Variants in CLDN16 observed in about 807,000 individuals in gnomAD.
CLDN16 encodes the protein claudin 16.
Under a neutral mutation model 24.6 loss-of-function variants are expected in CLDN16, and 13 were observed. The ratio of observed to expected loss-of-function variants is 0.53; its 90% CI spans 0.34 to 0.84. The LOEUF (loss-of-function observed/expected upper bound fraction) is 0.84. Ranked by LOEUF, CLDN16 falls within the 40% of genes least tolerant of loss-of-function variation. The pLI, the probability that CLDN16 is intolerant of heterozygous loss-of-function variation, is 0.01. For missense variants in CLDN16, 298 were observed against 292.7 expected, an observed-to-expected ratio of 1.02 and a Z score of -0.13; for synonymous variants, 116 against 106.7, an observed-to-expected ratio of 1.09 and a Z score of -0.54.
intron 1 of CLDN16, among the ~76,000 whole-genome samples, chr3:190,343,568 G>A (rs1717484586): frequency 6.6e-6 from 1 of 152,050 alleles, no homozygotes; most frequent in South Asian, 2.1e-4. Context: ...TACATCAGTG[G>A]ATGAATGGAT....
At chr3:190,318,544 TG>T (rs1716830601), upstream of CLDN16, among the ~76,000 whole-genome samples, 2 of 152,108 alleles carry the variant, frequency 1.3e-5, no homozygotes. Context: ...ATTTTATAAG[TG>T]GGGTAACTAC....
chr3:190,348,725 T>C (rs1717608028), intron 1 of CLDN16, among the ~76,000 whole-genome samples: 1 of 152,168 alleles, frequency 6.6e-6, no homozygotes, highest in South Asian at 2.1e-4. Context: ...GGTAAACTTG[T>C]GTCATGGGGG....
chr3:190,330,014 T>C lies in CLDN16; in HGVS notation n.121+7353T>C, dbSNP rs546153233. On this transcript the variant is annotated intron_variant and non_coding_transcript_variant, in intron 1 of 4. Coordinates refer to the CLDN16 transcript ENST00000468220. ...GACTAATTTGGGGACTATTGAAATA[T>C]TGTAGAAGAAATATCTCAACCGTCC... 1.2e-4 allele frequency among the ~76,000 whole-genome samples: 19 copies of C among 152,136 alleles called. 1 individual carries two copies. The highest frequency in any genetic ancestry group is 4.6e-4 in the African/African-American group (19 of 41,514).
the CLDN16 span, chr3:190,310,377 T>G: frequency 4.2e-6 from 3 of 713,332 alleles, no homozygotes; most frequent in Non-Finnish European, 7.4e-6. Flanking sequence ...ACATTTTTAT[T>G]TTGGTATTAG....
rs531705418 is a variant in CLDN16, at chr3:190,346,160, G to A, written n.121+23499G>A. ...AGAAGGAATTTACACCGAGACCGAA[G>A]GAAAGAAACAGAAAAGAAAGTGTTT... On this transcript the variant is annotated intron_variant and non_coding_transcript_variant, in intron 1 of 4. Transcript: ENST00000468220. Among the ~76,000 whole-genome samples, 4 of 152,030 alleles carry A rather than the reference G, an allele frequency of 2.6e-5. No homozygotes were observed. The South Asian group carries it at 8.3e-4, about 32-fold the overall frequency.
chr3:190,390,772 A>T (rs991174340), intron 1 of CLDN16, among the ~76,000 whole-genome samples: 1 of 151,984 alleles, frequency 6.6e-6, no homozygotes, highest in Non-Finnish European at 1.5e-5. Flanking sequence ...CCATATAACA[A>T]CTCACTTTAT....
intron 2 of CLDN16, among the ~76,000 whole-genome samples, chr3:190,371,962 C>T (rs756230320): frequency 5.9e-5 from 9 of 151,894 alleles, no homozygotes; most frequent in Admixed American, 2.0e-4. Flanking sequence ...TAAGTTTTTG[C>T]GTCTGTGCTC....
At chr3:190,348,634 A>G (rs1717606307) in intron 1 of CLDN16, among the ~76,000 whole-genome samples, 1 of 152,184 alleles carries the variant, frequency 6.6e-6, no homozygotes, top group Non-Finnish European at 1.5e-5. Flanking sequence ...ACCTTCTTTT[A>G]TGAAATTGTG....
chr3:190,313,181 G>T, the CLDN16 span: 49 of 843,030 alleles, frequency 5.8e-5, no homozygotes, highest in African/African-American at 7.8e-4. Context: ...TGATGTTTCC[G>T]CTGGTAACCC....
At chr3:190,377,841 C>T (rs1577416264) in intron 3 of CLDN16, among the ~76,000 whole-genome samples, 2 of 151,952 alleles carry the variant, frequency 1.3e-5, no homozygotes, top group South Asian at 4.2e-4. Flanking sequence ...TAACAGCTGT[C>T]ATCCTGGGAA....
At position 190,410,210 on chromosome 3, in the gene CLDN16, A is replaced by G. The variant is rs1719241349; in HGVS notation, c.*174A>G. On this transcript the variant is annotated 3_prime_UTR_variant, in exon 5 of 5. Coordinates refer to ENST00000264734, the MANE Select transcript of CLDN16 (RefSeq NM_006580.4). Reference sequence around the variant, plus strand: ...TACTTTTTCTTTCTATTACTCTTATATTTTCCCGTCATTCTCTCTGCTAAC... The same window carrying G: ...TACTTTTTCTTTCTATTACTCTTATGTTTTCCCGTCATTCTCTCTGCTAAC... 1 of 724,282 alleles carries G rather than the reference A, an allele frequency of 1.4e-6. No individual in the cohort carries two copies. Among genetic ancestry groups the G allele is most frequent in the Non-Finnish European group, 2.3e-6 (1 of 431,082 alleles). The allele number at this position is 724,282 out of a possible 1,614,324, so 44.9% of individuals were successfully genotyped here.
the CLDN16 span, among the ~76,000 whole-genome samples, chr3:190,295,914 C>G: frequency 6.6e-6 from 1 of 152,134 alleles, no homozygotes; most frequent in East Asian, 1.9e-4. Context: ...TTTTTCTTCT[C>G]CAGCCTCAGT....
chr3:190,339,743 A>G (rs1717387289), intron 1 of CLDN16, among the ~76,000 whole-genome samples: 1 of 152,208 alleles, frequency 6.6e-6, no homozygotes, highest in East Asian at 1.9e-4. Context: ...TGTAAAAAAA[A>G]TTACTACTAC....
chr3:190,388,773 G>A (rs964846081), intron 1 of CLDN16, among the ~76,000 whole-genome samples: 1 of 152,074 alleles, frequency 6.6e-6, no homozygotes, highest in Admixed American at 6.6e-5. Flanking sequence ...ATATCATATT[G>A]AGTAACATTT....
chr3:190,382,650 T>C (rs1292954191), intron 3 of CLDN16, among the ~76,000 whole-genome samples: 1 of 152,156 alleles, frequency 6.6e-6, no homozygotes, highest in Non-Finnish European at 1.5e-5. Context: ...ATAATTCTGC[T>C]TCTCTGTGCT....
Position 190,339,741 on chromosome 3 carries a change from A to G in CLDN16, n.121+17080A>G, listed in dbSNP as rs147384386. Among the ~76,000 whole-genome samples, 110 of 152,334 alleles carry G rather than the reference A, an allele frequency of 7.2e-4. 1 individual carries two copies. The East Asian group carries it at 0.018, about 24-fold the overall frequency. On this transcript the variant is annotated intron_variant and non_coding_transcript_variant, in intron 1 of 4. Transcript: ENST00000468220. Reference sequence around the variant, plus strand: ...TATTGTTTTACCACATATGTAAAAAAAATTACTACTACTCCTGCGGAGCTT... The same window carrying G: ...TATTGTTTTACCACATATGTAAAAAGAATTACTACTACTCCTGCGGAGCTT...
At chr3:190,405,010 C>T in intron 3 of CLDN16, 84 bp downstream of exon 3, 2 of 1,385,268 alleles carry the variant, frequency 1.4e-6, no homozygotes, top group Non-Finnish European at 2.1e-6. Flanking sequence ...GCTGAAGCTG[C>T]TCATTTTCGG....
At chr3:190,321,524 A>C (rs1716921012), upstream of CLDN16, among the ~76,000 whole-genome samples, 1 of 152,260 alleles carries the variant, frequency 6.6e-6, no homozygotes, top group Non-Finnish European at 1.5e-5. Context: ...AAGGTTAAAA[A>C]GTTATATCTA....
In CLDN16 at chr3:190,363,554, G is replaced by GCACATATATATA. The variant is rs10663299; in HGVS notation, n.122-7339_122-7338insCACATATATATA. 1.1e-4 allele frequency among the ~76,000 whole-genome samples: 9 copies of GCACATATATATA among 81,356 alleles called. No homozygotes were observed. In the East Asian group the frequency reaches 2.2e-3, roughly 20 times the overall value. 53.4% of individuals were successfully genotyped at this position (81,356 alleles called of 152,430 possible). A position where few individuals can be genotyped will look rare whatever the true frequency, so the allele number is the denominator to read the frequency against. The stretch of plus-strand genomic sequence containing the variant: ...CCAGTTGCTGTGCGTGTGTGTGTGT[G>GCACATATATATA]TGTATATATATATATATATATATAT... On this transcript the variant is annotated intron_variant and non_coding_transcript_variant, in intron 1 of 4. Transcript: ENST00000468220.
Sources: gnomAD v4.1 joint callset for allele counts (sites outside exome capture counted in the v4.1 genomes callset) on GRCh38, gnomAD v4.1.1 for gene constraint, MANE v1.5 for transcripts, NCBI Gene and HGNC (gene_info 2026-07-23, HGNC 2026-07-21) for gene names.